TICAM2: variants seen among roughly 807,000 people sequenced by gnomAD.
TICAM2 encodes TIR domain-containing adapter molecule 2.
Under a neutral mutation model 7.3 loss-of-function variants are expected in TICAM2, and 8 were observed. The observed-to-expected ratio is 1.10, with a 90% CI of 0.65 to 1.99. The LOEUF (loss-of-function observed/expected upper bound fraction) is 1.99. TICAM2 is among the 30% of genes most tolerant of loss of function. TICAM2 has a pLI of 0.00. For synonymous variants in TICAM2, 113 were observed against 99.6 expected (o/e 1.13, Z -0.80); for missense variants, 304 against 278.8 (o/e 1.09, Z -0.65).
chr5:115,586,421 A>G (rs897856256), intron 1 of TICAM2, among the ~76,000 whole-genome samples: 7 of 57,072 alleles, frequency 1.2e-4, no homozygotes, highest in Non-Finnish European at 2.8e-4. Context: ...AGTGTTGGAA[A>G]AAAAAAAAAA....
intron 1 of TICAM2, among the ~76,000 whole-genome samples, chr5:115,587,676 T>C (rs538863726): frequency 1.3e-5 from 2 of 152,222 alleles, no homozygotes; most frequent in East Asian, 3.9e-4. Context: ...AAAAGCAATA[T>C]AATCAGGATG....
intron 1 of TICAM2, among the ~76,000 whole-genome samples, chr5:115,584,382 A>G (rs1364125701): frequency 6.6e-6 from 1 of 152,188 alleles, no homozygotes; most frequent in African/African-American, 2.4e-5. Flanking sequence ...ATTTACAACT[A>G]CATAATCATG....
intron 1 of TICAM2, among the ~76,000 whole-genome samples, chr5:115,596,822 G>A (rs1165761860): frequency 2.0e-5 from 3 of 152,172 alleles, no homozygotes; most frequent in Admixed American, 2.0e-4. Flanking sequence ...GGGAGGCTGA[G>A]GCAGGAGAAT....
At position 115,591,471 on chromosome 5, in the gene TICAM2, G is replaced by A. The variant is rs72817131; in HGVS notation, c.-59-10156C>T. On this transcript the variant is annotated intron_variant, in intron 1 of 1. Transcript: ENST00000427199. ...GACAAGAAAGCCAGCAAACGCAGCT[G>A]ACAATAGAAATAAATCTATGTGGAT... is the stretch of plus-strand genomic sequence containing the variant. Among the ~76,000 whole-genome samples, 259 of 152,272 alleles carry A rather than the reference G, an allele frequency of 1.7e-3. 1 individual carries two copies. The highest frequency in any genetic ancestry group is 6.8e-3 in the Middle Eastern group (2 of 294).
chr5:115,586,887 C>G (rs1347324458), intron 1 of TICAM2, among the ~76,000 whole-genome samples: 1 of 152,148 alleles, frequency 6.6e-6, no homozygotes, highest in Non-Finnish European at 1.5e-5. Context: ...GGACTCACTG[C>G]ACAGGTGCTT....
intron 1 of TICAM2, among the ~76,000 whole-genome samples, chr5:115,592,383 T>C (rs576550070): frequency 1.3e-5 from 2 of 152,344 alleles, no homozygotes; most frequent in South Asian, 4.1e-4. Flanking sequence ...GAGGTACATT[T>C]ACAGGATGTG....
intron 1 of TICAM2, among the ~76,000 whole-genome samples, chr5:115,589,239 A>G (rs1755218160): frequency 6.6e-6 from 1 of 152,230 alleles, no homozygotes; most frequent in Non-Finnish European, 1.5e-5. Flanking sequence ...CCTTCACAGA[A>G]AAAGTGTGCT....
At chr5:115,585,277 A>T (rs1051839829) in intron 1 of TICAM2, among the ~76,000 whole-genome samples, 4 of 152,244 alleles carry the variant, frequency 2.6e-5, no homozygotes, top group African/African-American at 9.6e-5. Context: ...AAGCTAAAAC[A>T]TTTATACAAC....
Position 115,581,208 on chromosome 5 carries a change from A to AAG in TICAM2, c.47_48dup (p.Trp17LeufsTer67). ...GTATCCACACTGTGCCTTTTACCCC[A>AAG]AGAGAGAGAAAGAGGGCAGGAATTT... On this transcript the variant is annotated frameshift_variant, in exon 2 of 2. Coordinates refer to ENST00000427199, the MANE Select transcript of TICAM2 (RefSeq NM_021649.7). LOFTEE classifies it low-confidence loss of function (END_TRUNC). 1.2e-6 allele frequency: 2 copies of AAG among 1,612,022 alleles called. No individual in the cohort carries two copies. The highest frequency in any genetic ancestry group is 1.7e-6 in the Non-Finnish European group (2 of 1,179,950).
At chr5:115,596,533 A>AAAC (rs1212664381) in intron 1 of TICAM2, among the ~76,000 whole-genome samples, 2 of 152,304 alleles carry the variant, frequency 1.3e-5, no homozygotes, top group East Asian at 3.8e-4. Flanking sequence ...TAGTGTTAAA[A>AAAC]AACCGGACAA....
At chr5:115,591,036 T>C (rs925134358) in intron 1 of TICAM2, among the ~76,000 whole-genome samples, 1 of 152,046 alleles carries the variant, frequency 6.6e-6, no homozygotes, top group African/African-American at 2.4e-5. Context: ...TCAATGCTAC[T>C]GCTGAGGATA....
At chr5:115,598,376 C>A (rs1755590789) in intron 1 of TICAM2, among the ~76,000 whole-genome samples, 2 of 152,108 alleles carry the variant, frequency 1.3e-5, no homozygotes, top group African/African-American at 4.8e-5. Context: ...TAACTCTAAA[C>A]CAAACAGGGC....
rs1303875402 is a variant in TICAM2 at position 115,580,436 on chromosome 5, T to C, written c.*113A>G. 2 of 1,316,842 alleles carry C rather than the reference T, an allele frequency of 1.5e-6. No homozygotes were observed. The highest frequency in any genetic ancestry group is 3.5e-5 in the Admixed American group (1 of 28,342). 81.6% of individuals were successfully genotyped at this position (1,316,842 alleles called of 1,614,324 possible). ...ATCTTTCTTGTGCTCCATAGGTTTC[T>C]TTAAGGTGAAGACTCTCTTTTATTT... On this transcript the variant is annotated 3_prime_UTR_variant, in exon 2 of 2. Transcript: ENST00000427199.
rs919089251 is a variant in TICAM2, at chr5:115,580,335, T to C, written c.*214A>G. 24 of 584,820 alleles carry C rather than the reference T, an allele frequency of 4.1e-5. No individual in the cohort carries two copies. In the Admixed American group the frequency reaches 6.3e-4, roughly 15 times the overall value. 36.2% of individuals were successfully genotyped at this position (584,820 alleles called of 1,614,324 possible). ...TAGGAAAATTGTGAAAGAAAAGTCC[T>C]TGAAACTCTGACAATGTCAAGTTTA... is the stretch of plus-strand genomic sequence containing the variant. On this transcript the variant is annotated 3_prime_UTR_variant, in exon 2 of 2. Coordinates refer to ENST00000427199, the MANE Select transcript of TICAM2 (RefSeq NM_021649.7).
chr5:115,599,918 T>C (rs1010720326), intron 1 of TICAM2, among the ~76,000 whole-genome samples: 1 of 151,744 alleles, frequency 6.6e-6, no homozygotes, highest in African/African-American at 2.4e-5. Context: ...TGAAGGGAAA[T>C]GAAAGTTCTG....
intron 1 of TICAM2, among the ~76,000 whole-genome samples, chr5:115,596,573 G>C (rs1418211131): frequency 1.3e-5 from 2 of 152,128 alleles, no homozygotes; most frequent in Admixed American, 1.3e-4. Context: ...TGAAGGAAAG[G>C]TTCTTAAATA....
At chr5:115,592,454 C>T (rs1306762883) in intron 1 of TICAM2, among the ~76,000 whole-genome samples, 3 of 152,122 alleles carry the variant, frequency 2.0e-5, no homozygotes, top group Non-Finnish European at 4.4e-5. Flanking sequence ...CATCCCATCA[C>T]CTAGGTATTA....
In TICAM2 at chr5:115,602,205, G is replaced by A. The variant is rs961512056; in HGVS notation, c.-168C>T. ...CTTGCCCCGGGCGTCGAGAGTTTGG[G>A]GCCGTCCCGTACGCGGCGCGCCGCA... On this transcript the variant is annotated 5_prime_UTR_variant, in exon 1 of 2. Coordinates refer to ENST00000427199, the MANE Select transcript of TICAM2 (RefSeq NM_021649.7). 1 of 152,478 alleles carries A rather than the reference G, an allele frequency of 6.6e-6. No homozygotes were observed. The highest frequency in any genetic ancestry group is 1.5e-5 in the Non-Finnish European group (1 of 68,276). The allele number at this position is 152,478 out of a possible 1,614,324, so 9.4% of individuals were successfully genotyped here.
intron 1 of TICAM2, among the ~76,000 whole-genome samples, chr5:115,597,628 A>G (rs1404981490): frequency 1.3e-5 from 2 of 152,244 alleles, no homozygotes; most frequent in Non-Finnish European, 2.9e-5. Flanking sequence ...CAGCTTTGTT[A>G]AACAAAATGC....
Sources: allele counts gnomAD v4.1 joint callset (sites outside exome capture counted in the v4.1 genomes callset), GRCh38; gene constraint gnomAD v4.1.1; transcripts MANE v1.5; gene names NCBI Gene and HGNC (gene_info 2026-07-23, HGNC 2026-07-21).